SLX4IP: variants seen among roughly 807,000 people sequenced by gnomAD.
SLX4IP encodes the protein SLX4 interacting protein, also known as protein SLX4IP.
Under a neutral mutation model 32.9 loss-of-function variants are expected in SLX4IP, and 34 were observed. That is an observed-to-expected ratio of 1.03 (90% confidence interval 0.79 to 1.38). The LOEUF (loss-of-function observed/expected upper bound fraction) is 1.38, where lower values mean the gene tolerates loss of function less well. SLX4IP is among the 40% of genes most tolerant of loss of function. The pLI is 0.00. For synonymous variants in SLX4IP, 172 were observed against 171.7 expected, an observed-to-expected ratio of 1.00 and a Z score of -0.01; for missense variants, 444 against 479.0, an observed-to-expected ratio of 0.93 and a Z score of 0.68.
intron 2 of SLX4IP, among the ~76,000 whole-genome samples, chr20:10,462,815 C>CGTGA (rs1568692260): frequency 6.6e-6 from 1 of 152,142 alleles, no homozygotes; most frequent in Non-Finnish European, 1.5e-5. Flanking sequence ...CCTTTCTTCC[C>CGTGA]CATCATGGAG....
At chr20:10,570,387 T>C (rs1318538064) in intron 4 of SLX4IP, among the ~76,000 whole-genome samples, 2 of 152,140 alleles carry the variant, frequency 1.3e-5, no homozygotes, top group African/African-American at 4.8e-5. Context: ...CCACATACCA[T>C]TTTGCAGATA....
intron 4 of SLX4IP, among the ~76,000 whole-genome samples, chr20:10,575,495 A>C (rs745659204): frequency 6.6e-6 from 1 of 152,226 alleles, no homozygotes; most frequent in Middle Eastern, 3.4e-3. Flanking sequence ...GAAGGCAGCA[A>C]CTTCTCCTGT....
At chr20:10,533,067 G>A (rs1178775449) in intron 2 of SLX4IP, among the ~76,000 whole-genome samples, 2 of 151,338 alleles carry the variant, frequency 1.3e-5, no homozygotes, top group South Asian at 2.1e-4. Flanking sequence ...GAGCCACCAC[G>A]CCTGGCCCAC....
chr20:10,611,260 C>T (rs2066963421), intron 6 of SLX4IP, among the ~76,000 whole-genome samples: 2 of 152,286 alleles, frequency 1.3e-5, no homozygotes, highest in South Asian at 4.1e-4. Flanking sequence ...CTATTCAGTG[C>T]AACAAACCTG....
chr20:10,613,945 T>A (rs2066996959), intron 6 of SLX4IP: 1 of 1,201,476 alleles, frequency 8.3e-7, no homozygotes, highest in African/African-American at 1.5e-5. Flanking sequence ...TGATCTTGGA[T>A]GAGCACAGGA....
intron 2 of SLX4IP, among the ~76,000 whole-genome samples, chr20:10,550,059 T>A (rs895513045): frequency 6.6e-6 from 1 of 152,192 alleles, no homozygotes; most frequent in Non-Finnish European, 1.5e-5. Context: ...ATGATTCAGT[T>A]ATCCTCAGCA....
chr20:10,441,728 T>G, intron 1 of SLX4IP, among the ~76,000 whole-genome samples: 1 of 112,734 alleles, frequency 8.9e-6, no homozygotes, highest in Non-Finnish European at 2.3e-5. Context: ...CGTGTTTGTT[T>G]TTGTTTTTTT....
chr20:10,527,240 A>G (rs1337253640), intron 2 of SLX4IP, among the ~76,000 whole-genome samples: 1 of 152,218 alleles, frequency 6.6e-6, no homozygotes, highest in Admixed American at 6.5e-5. Flanking sequence ...CAGAAAAGCC[A>G]GCTCGCCCAT....
chr20:10,451,399 A>G (rs1306962815), intron 1 of SLX4IP, among the ~76,000 whole-genome samples: 1 of 151,946 alleles, frequency 6.6e-6, no homozygotes, highest in Non-Finnish European at 1.5e-5. Flanking sequence ...ACCCCAAGTG[A>G]TCCACGTGCG....
intron 2 of SLX4IP, among the ~76,000 whole-genome samples, chr20:10,516,207 T>A (rs2122438756): frequency 6.6e-6 from 1 of 152,312 alleles, no homozygotes; most frequent in East Asian, 1.9e-4. Context: ...TATTTTTATC[T>A]GCACCTTAGT....
chr20:10,539,982 G>T (rs2066085358), intron 2 of SLX4IP, among the ~76,000 whole-genome samples: 1 of 152,214 alleles, frequency 6.6e-6, no homozygotes, highest in South Asian at 2.1e-4. Context: ...GAGTCTGTTA[G>T]TAACGCACAT....
intron 2 of SLX4IP, among the ~76,000 whole-genome samples, chr20:10,533,894 A>G (rs1292882600): frequency 6.6e-6 from 1 of 152,022 alleles, no homozygotes; most frequent in Admixed American, 6.6e-5. Context: ...TGCTAGGATT[A>G]TAGGTATGAG....
chr20:10,537,614 A>G (rs1189602168), intron 2 of SLX4IP, among the ~76,000 whole-genome samples: 1 of 152,326 alleles, frequency 6.6e-6, no homozygotes, highest in East Asian at 1.9e-4. Flanking sequence ...GATCAGTTTG[A>G]TATTTACAGT....
chr20:10,473,746 G>A (rs1182957706), intron 2 of SLX4IP, among the ~76,000 whole-genome samples: 6 of 151,402 alleles, frequency 4.0e-5, no homozygotes, highest in African/African-American at 7.3e-5. Context: ...GGGATTACAG[G>A]CGCCTGCCAC....
intron 5 of SLX4IP, among the ~76,000 whole-genome samples, chr20:10,600,372 T>C (rs2066827358): frequency 1.3e-5 from 2 of 152,154 alleles, no homozygotes; most frequent in Admixed American, 1.3e-4. Context: ...CTTTGAATAT[T>C]GGGCACTGGG....
At chr20:10,463,330 A>G (rs368401854) in intron 2 of SLX4IP, among the ~76,000 whole-genome samples, 1 of 152,120 alleles carries the variant, frequency 6.6e-6, no homozygotes, top group South Asian at 2.1e-4. Flanking sequence ...ATGGAAGGCA[A>G]TTGTGTTCCT....
chr20:10,604,528 G>A (rs1009200546), intron 6 of SLX4IP, among the ~76,000 whole-genome samples: 1 of 152,226 alleles, frequency 6.6e-6, no homozygotes, highest in African/African-American at 2.4e-5. Flanking sequence ...TAGCTCCCCA[G>A]TACTTAAAGG....
At chr20:10,588,990 A>G (rs933324543) in intron 4 of SLX4IP, among the ~76,000 whole-genome samples, 2 of 152,190 alleles carry the variant, frequency 1.3e-5, no homozygotes, top group African/African-American at 4.8e-5. Context: ...AATTAGCCTG[A>G]TTGTGGTAAT....
intron 2 of SLX4IP, among the ~76,000 whole-genome samples, chr20:10,538,323 T>C (rs1030767912): frequency 6.6e-6 from 1 of 152,110 alleles, no homozygotes; most frequent in Non-Finnish European, 1.5e-5. Flanking sequence ...CTAATGACAT[T>C]ATAGACCAGA....
Sources: allele counts gnomAD v4.1 joint callset (sites outside exome capture counted in the v4.1 genomes callset), GRCh38; gene constraint gnomAD v4.1.1; transcripts MANE v1.5; gene names NCBI Gene and HGNC (gene_info 2026-07-23, HGNC 2026-07-21).